The following P3H2 variants were observed in gnomAD, a reference collection of about 807,000 sequenced individuals.
P3H2 encodes the protein prolyl 3-hydroxylase 2, also known as leprecan-like 1.
P3H2 carries 80 observed loss-of-function variants against 87.0 expected under a neutral mutation model. That is an observed-to-expected ratio of 0.92 (90% CI 0.77 to 1.11). The LOEUF (loss-of-function observed/expected upper bound fraction) is 1.11. Ranked by LOEUF, P3H2 falls within the 50% of genes least tolerant of loss-of-function variation. The pLI is 0.00. For missense variants in P3H2, 1,001 were observed against 923.9 expected (o/e 1.08, Z -1.08); for synonymous variants, 367 against 359.3 (o/e 1.02, Z -0.24).
intron 1 of P3H2, among the ~76,000 whole-genome samples, chr3:190,116,935 AGATGTAGT>A (rs11276911): frequency 0.039 from 5,893 of 152,222 alleles, 373 homozygotes; most frequent in African/African-American, 0.13. Context: ...GGCTCATGAA[AGATGTAGT>A]GAGTATCTGT....
At chr3:189,959,103 T>G (rs980735144) in intron 14 of P3H2, among the ~76,000 whole-genome samples, 2 of 151,980 alleles carry the variant, frequency 1.3e-5, no homozygotes, top group Non-Finnish European at 2.9e-5. Context: ...TTCTAATGAA[T>G]CCTACTGGCT....
chr3:190,118,242 A>G (rs752356516), intron 1 of P3H2, among the ~76,000 whole-genome samples: 3 of 151,860 alleles, frequency 2.0e-5, no homozygotes, highest in Non-Finnish European at 2.9e-5. Context: ...ATTTGTTTTT[A>G]TAGGACTGAC....
In P3H2 at chr3:190,044,465, T is replaced by C. The variant is rs190754903; in HGVS notation, c.481-49023A>G. On this transcript the variant is annotated intron_variant, in intron 1 of 14. Coordinates refer to ENST00000319332, the MANE Select transcript of P3H2 (RefSeq NM_018192.4). ...AGAATGCAGTGCACACAGAAAACAGTTCTGACATCTGCCTCGCTTGTGGTC... is the reference window on the plus strand; with the variant it reads ...AGAATGCAGTGCACACAGAAAACAGCTCTGACATCTGCCTCGCTTGTGGTC... Among the ~76,000 whole-genome samples, 435 of 152,290 alleles carry C rather than the reference T, an allele frequency of 2.9e-3. 2 individuals carry two copies. Among genetic ancestry groups the C allele is most frequent in the Non-Finnish European group, 5.1e-3 (346 of 68,034 alleles).
At chr3:190,023,191 C>T (rs796926780) in intron 1 of P3H2, among the ~76,000 whole-genome samples, 71 of 152,294 alleles carry the variant, frequency 4.7e-4, no homozygotes, top group African/African-American at 1.7e-3. Flanking sequence ...AAGGACTACA[C>T]TATAAGTCTG....
At position 190,022,550 on chromosome 3, in the gene P3H2, TC is replaced by T. The variant is rs113744770; in HGVS notation, c.481-27109del. Among the ~76,000 whole-genome samples, 425 of 135,302 alleles carry T rather than the reference TC, an allele frequency of 3.1e-3. 71 individuals carry two copies. The highest frequency in any genetic ancestry group is 0.01 in the African/African-American group (403 of 39,242). 88.8% of individuals were successfully genotyped at this position (135,302 alleles called of 152,430 possible). A position where few individuals can be genotyped will look rare whatever the true frequency, so the allele number is the denominator to read the frequency against. ...TACTTTTTTATTTAACATATTATCCTCCAAGAAACATTATTTGTTAGTTAAA... is the reference window on the plus strand; with the variant it reads ...TACTTTTTTATTTAACATATTATCCTCAAGAAACATTATTTGTTAGTTAAA... On this transcript the variant is annotated intron_variant, in intron 1 of 14. Coordinates refer to ENST00000319332, the MANE Select transcript of P3H2 (RefSeq NM_018192.4).
At chr3:190,030,088 A>G (rs564464306) in intron 1 of P3H2, among the ~76,000 whole-genome samples, 1 of 152,122 alleles carries the variant, frequency 6.6e-6, no homozygotes, top group Admixed American at 6.5e-5. Context: ...ATAAAAATAT[A>G]TAATTACATA....
At chr3:189,986,397 C>T (rs1197220152) in intron 6 of P3H2, among the ~76,000 whole-genome samples, 4 of 151,964 alleles carry the variant, frequency 2.6e-5, no homozygotes, top group African/African-American at 9.7e-5. Flanking sequence ...CTAGCCTGAC[C>T]AACATGGTGA....
intron 1 of P3H2, among the ~76,000 whole-genome samples, chr3:189,999,059 T>C (rs1029931725): frequency 1.3e-5 from 2 of 152,130 alleles, no homozygotes; most frequent in Admixed American, 1.3e-4. Context: ...GGCCCAGGGG[T>C]TGGGGACCCC....
In P3H2 at chr3:189,973,948, A is replaced by T. The variant is rs745408174; in HGVS notation, c.1509T>A (p.Asn503Lys). 4.6e-5 allele frequency: 74 copies of T among 1,614,152 alleles called. No homozygotes were observed. The East Asian group carries it at 1.6e-3, about 35-fold the overall frequency. ...YRGKTSPHTP[N>K]EKFEGATVLK... ...GGACAGTTGCACCTTCAAACTTTTC[A>T]TTGGGTGTATGGGGTGAAGTTTTTC... Residue 503 changes from asparagine to lysine, a missense_variant, in exon 10 of 15, where the codon AAT becomes AAA. By Grantham distance (94) the Asn-to-Lys change is moderately conservative (BLOSUM62 0). Coordinates refer to ENST00000319332, the MANE Select transcript of P3H2 (RefSeq NM_018192.4).
chr3:190,085,074 G>A (rs772109589), intron 1 of P3H2, among the ~76,000 whole-genome samples: 4 of 152,242 alleles, frequency 2.6e-5, no homozygotes, highest in Admixed American at 6.5e-5. Flanking sequence ...CTTTGCTTGG[G>A]GAGCAGACGT....
At chr3:190,064,311 C>A (rs1214806284) in intron 1 of P3H2, among the ~76,000 whole-genome samples, 2 of 151,912 alleles carry the variant, frequency 1.3e-5, no homozygotes, top group Non-Finnish European at 2.9e-5. Context: ...CTGAACCCAG[C>A]CAGAATAAAT....
intron 1 of P3H2, among the ~76,000 whole-genome samples, chr3:190,017,459 T>A (rs571073559): frequency 1.3e-5 from 2 of 152,336 alleles, no homozygotes; most frequent in Admixed American, 6.5e-5. Flanking sequence ...AACTGTTGAC[T>A]ATATGGAGCC....
At chr3:190,020,959 G>C (rs1724913092) in intron 1 of P3H2, among the ~76,000 whole-genome samples, 1 of 134,484 alleles carries the variant, frequency 7.4e-6, no homozygotes, top group Non-Finnish European at 1.7e-5. Context: ...AAATCCTTCA[G>C]TTTTATAAAA....
At chr3:190,105,360 C>T (rs1349854504) in intron 1 of P3H2, among the ~76,000 whole-genome samples, 3 of 152,164 alleles carry the variant, frequency 2.0e-5, no homozygotes, top group Admixed American at 1.3e-4. Flanking sequence ...AAATGATAAT[C>T]TTTTTTGAAA....
chr3:190,097,523 G>A (rs1727624307), intron 1 of P3H2, among the ~76,000 whole-genome samples: 1 of 151,914 alleles, frequency 6.6e-6, no homozygotes. Context: ...TGTGCTCTGG[G>A]GCCAATTCAG....
chr3:189,959,345 G>C (rs980327361), intron 14 of P3H2, among the ~76,000 whole-genome samples: 1 of 150,130 alleles, frequency 6.7e-6, no homozygotes, highest in Non-Finnish European at 1.5e-5. Flanking sequence ...ATGCTGGTGC[G>C]CTGCACCCAC....
intron 3 of P3H2, among the ~76,000 whole-genome samples, chr3:189,989,510 G>T (rs527768190): frequency 6.6e-6 from 1 of 152,234 alleles, no homozygotes; most frequent in Non-Finnish European, 1.5e-5. Context: ...GAAAATTCAG[G>T]CTGAGAAGTG....
At chr3:190,021,368 A>G (rs2108940829) in intron 1 of P3H2, among the ~76,000 whole-genome samples, 1 of 135,270 alleles carries the variant, frequency 7.4e-6, no homozygotes, top group Admixed American at 7.5e-5. Flanking sequence ...AGATTGAAAA[A>G]GTAAAATTCA....
intron 1 of P3H2, among the ~76,000 whole-genome samples, chr3:190,028,372 G>T (rs1725148596): frequency 6.6e-6 from 1 of 152,224 alleles, no homozygotes; most frequent in African/African-American, 2.4e-5. Context: ...CTCAGGTTTA[G>T]AGGCTTAGTG....
Sources: allele counts gnomAD v4.1 joint callset (sites outside exome capture counted in the v4.1 genomes callset), GRCh38; gene constraint gnomAD v4.1.1; transcripts MANE v1.5; gene names NCBI Gene and HGNC (gene_info 2026-07-23, HGNC 2026-07-21).